The following TRIM37 variants were observed in gnomAD, a reference collection of about 807,000 sequenced individuals.
The protein encoded by TRIM37 is E3 ubiquitin-protein ligase TRIM37.
Under a neutral mutation model 129.8 loss-of-function variants are expected in TRIM37, and 80 were observed. That is an observed-to-expected ratio of 0.62 (90% CI 0.51 to 0.74). The LOEUF is 0.74. TRIM37 is among the 30% of genes least tolerant of loss of function. The probability of loss-of-function intolerance (pLI) is 0.00; values close to 1 mark genes in which losing one functional copy is unlikely to be tolerated. For synonymous variants in TRIM37, 389 were observed against 387.1 expected, an observed-to-expected ratio of 1.00 and a Z score of -0.06; for missense variants, 1,054 against 1,176.5, an observed-to-expected ratio of 0.90 and a Z score of 1.52.
intron 19 of TRIM37, among the ~76,000 whole-genome samples, chr17:59,023,595 C>A (rs893563253): frequency 7.9e-5 from 12 of 151,914 alleles, no homozygotes; most frequent in Non-Finnish European, 1.5e-4. Flanking sequence ...GCGGAGCTTG[C>A]AGTAAGCCGA....
chr17:59,025,465 G>C (rs1438589711), intron 19 of TRIM37, among the ~76,000 whole-genome samples: 1 of 151,450 alleles, frequency 6.6e-6, no homozygotes, highest in Non-Finnish European at 1.5e-5. Flanking sequence ...TATTAATACA[G>C]TTGTCTAAGA....
chr17:58,992,161 G>T lies in TRIM37; in HGVS notation c.2891+7220C>A, dbSNP rs567907761. Among the ~76,000 whole-genome samples the T allele has an allele frequency of 4.6e-5, 7 of 151,350 alleles. No homozygotes were observed. In the East Asian group the frequency reaches 1.4e-3, roughly 29 times the overall value. On this transcript the variant is annotated intron_variant, in intron 24 of 24. Coordinates refer to the TRIM37 transcript ENST00000393066. Reference sequence around the variant, plus strand: ...AAGGTTACAAATAAAGCCAGCTAAAGGGAGAGATACATAGGGTGAGGCCTG... The same window carrying T: ...AAGGTTACAAATAAAGCCAGCTAAATGGAGAGATACATAGGGTGAGGCCTG...
At chr17:59,045,789 C>A (rs1295698534) in intron 16 of TRIM37, among the ~76,000 whole-genome samples, 1 of 151,568 alleles carries the variant, frequency 6.6e-6, no homozygotes, top group Non-Finnish European at 1.5e-5. Flanking sequence ...CTGAAGTGGG[C>A]AGATCACCTG....
intron 24 of TRIM37, among the ~76,000 whole-genome samples, chr17:58,993,063 G>A (rs1598760797): frequency 6.6e-6 from 1 of 152,140 alleles, no homozygotes; most frequent in East Asian, 1.9e-4. Context: ...AATCATGGGG[G>A]CAAGACTTTC....
intron 2 of TRIM37, among the ~76,000 whole-genome samples, chr17:59,101,673 A>T (rs1409277429): frequency 6.0e-4 from 70 of 116,864 alleles, no homozygotes; most frequent in Non-Finnish European, 8.0e-4. Flanking sequence ...AAAAAAAAAA[A>T]AAAAATATAT....
chr17:58,990,762 GC>G (rs1371758262), intron 24 of TRIM37, among the ~76,000 whole-genome samples: 1 of 146,996 alleles, frequency 6.8e-6, no homozygotes, highest in Non-Finnish European at 1.5e-5. Flanking sequence ...CTGCACTCCA[GC>G]CTGGGCAACA....
chr17:58,974,697 A>G, the TRIM37 span, among the ~76,000 whole-genome samples: 1 of 152,212 alleles, frequency 6.6e-6, no homozygotes, highest in African/African-American at 2.4e-5. Flanking sequence ...GTAATTAGAC[A>G]TGGTTGGAAT....
At position 59,056,587 on chromosome 17, in the gene TRIM37, A is replaced by G. The variant is rs4932690; in HGVS notation, c.1199+288T>C. On this transcript the variant is annotated intron_variant, in intron 13 of 23. Transcript: ENST00000262294. ...TACTAAAAATAGTAAAAAATTAGCC[A>G]GGCGTGGTGGCGGGCGCCTGTAGTC... Among the ~76,000 whole-genome samples, 101,264 of 150,610 alleles carry G rather than the reference A, an allele frequency of 0.67. 34,684 individuals are homozygous for G. The highest frequency in any genetic ancestry group is 0.79 in the African/African-American group (32,700 of 41,190).
chr17:59,075,598 C>G, intron 8 of TRIM37, 49 bp downstream of exon 8: 1 of 948,494 alleles, frequency 1.1e-6, no homozygotes, highest in Non-Finnish European at 1.7e-6. Flanking sequence ...CTACAGTATA[C>G]AGAGAAAAAA....
Position 59,056,817 on chromosome 17 carries a change from G to A in TRIM37, c.1199+58C>T, listed in dbSNP as rs973441280. 5 of 1,231,744 alleles carry A rather than the reference G, an allele frequency of 4.1e-6. No individual in the cohort carries two copies. The African/African-American group carries it at 4.8e-5, about 12-fold the overall frequency. 76.3% of individuals were successfully genotyped at this position (1,231,744 alleles called of 1,614,324 possible). A position where few individuals can be genotyped will look rare whatever the true frequency, so the allele number is the denominator to read the frequency against. On this transcript the variant is annotated intron_variant, in intron 13 of 23. Coordinates refer to ENST00000262294, the MANE Select transcript of TRIM37 (RefSeq NM_015294.6). ...TTAACCAAATGATCTTTGAAATATA[G>A]TTCTGATGATATTATTTCCCCACAA...
In TRIM37 at chr17:58,992,342, T is replaced by A. The variant is rs60755953; in HGVS notation, c.2891+7039A>T. On this transcript the variant is annotated intron_variant, in intron 24 of 24. Transcript: ENST00000393066. ...ATGTAAATATATATATATATATATA[T>A]AAATACAGAGTACTGTCAACCAGGG... is the stretch of plus-strand genomic sequence containing the variant. 4.0e-4 allele frequency among the ~76,000 whole-genome samples: 54 copies of A among 133,940 alleles called. 1 individual carries two copies. Among genetic ancestry groups the A allele is most frequent in the African/African-American group, 1.3e-3 (46 of 35,852 alleles). The allele number at this position is 133,940 out of a possible 152,430, so 87.9% of individuals were successfully genotyped here.
In TRIM37 at chr17:59,029,208, G is replaced by A. The variant is rs143802145; in HGVS notation, c.1949-485C>T. Among the ~76,000 whole-genome samples, 54 of 152,088 alleles carry A rather than the reference G, an allele frequency of 3.6e-4. No individual in the cohort carries two copies. The East Asian group carries it at 8.6e-3, about 24-fold the overall frequency. On this transcript the variant is annotated intron_variant, in intron 18 of 23. Coordinates refer to ENST00000262294, the MANE Select transcript of TRIM37 (RefSeq NM_015294.6). ...TTCAGGAGGCTGAGGTGAGAGAATC[G>A]CTTGAGGCCAGAAGTTCAAGATCAG...
intron 5 of TRIM37, among the ~76,000 whole-genome samples, chr17:59,083,198 G>A (rs953320902): frequency 6.6e-6 from 1 of 152,132 alleles, no homozygotes; most frequent in African/African-American, 2.4e-5. Context: ...CACTTTGGGA[G>A]GCCAAGTCAG....
In TRIM37 at chr17:59,015,702, C is replaced by A; in HGVS notation, c.2484G>T (p.Arg828=). 1 of 1,614,128 alleles carries A rather than the reference C, an allele frequency of 6.2e-7. No individual in the cohort carries two copies. Among genetic ancestry groups the A allele is most frequent in the Admixed American group, 1.7e-5 (1 of 60,004 alleles). The change falls in exon 21 of 24, where the codon CGG becomes CGT. Residue 828 remains arginine, a synonymous_variant. Transcript: ENST00000262294. ...CATCTGAATCCAAAGCTTTACACTG[C>A]CGGTCTTCAGTTTTTGGCAGAATAT... ...IGDILPKTED[R]QCKALDSDAV...
chr17:58,968,620 C>T, the TRIM37 span, among the ~76,000 whole-genome samples: 3 of 152,136 alleles, frequency 2.0e-5, no homozygotes, highest in African/African-American at 7.2e-5. Flanking sequence ...AAAAGACTTG[C>T]AAATGAAAAT....
At chr17:58,979,608 T>G (rs1424040637), downstream of TRIM37, among the ~76,000 whole-genome samples, 1 of 152,244 alleles carries the variant, frequency 6.6e-6, no homozygotes, top group Admixed American at 6.5e-5. Context: ...ACAGATCTAC[T>G]GAATCAACCA....
chr17:59,053,317 A>T (rs924371700), intron 13 of TRIM37, among the ~76,000 whole-genome samples: 7 of 152,224 alleles, frequency 4.6e-5, no homozygotes, highest in Admixed American at 4.6e-4. Flanking sequence ...ATTCCACCAG[A>T]ATCTTGAAAT....
At chr17:59,100,509 A>C (rs2147567932) in intron 2 of TRIM37, among the ~76,000 whole-genome samples, 1 of 152,320 alleles carries the variant, frequency 6.6e-6, no homozygotes, top group Non-Finnish European at 1.5e-5. Context: ...CATTTGTATA[A>C]AATTCCAAAA....
At chr17:59,008,478 A>G (rs1385259361) in intron 22 of TRIM37, among the ~76,000 whole-genome samples, 1 of 152,252 alleles carries the variant, frequency 6.6e-6, no homozygotes, top group Admixed American at 6.5e-5. Context: ...CAAGCTGTCA[A>G]TTAGCTTTAA....
Sources: gnomAD v4.1 joint callset for allele counts (sites outside exome capture counted in the v4.1 genomes callset) on GRCh38, gnomAD v4.1.1 for gene constraint, MANE v1.5 for transcripts, NCBI Gene and HGNC (gene_info 2026-07-23, HGNC 2026-07-21) for gene names.